Variants in RAVER2 observed in about 807,000 individuals in gnomAD.
RAVER2 encodes ribonucleoprotein, PTB binding 2, also known as ribonucleoprotein PTB-binding 2.
In RAVER2, 46 loss-of-function variants were observed where a neutral mutation model predicts 78.1. The ratio of observed to expected loss-of-function variants is 0.59; its 90% confidence interval spans 0.46 to 0.75. The LOEUF (loss-of-function observed/expected upper bound fraction) is 0.75. Ranked by LOEUF, RAVER2 falls within the 30% of genes least tolerant of loss-of-function variation. The pLI is 0.00. For synonymous variants in RAVER2, 311 were observed against 313.3 expected (o/e 0.99, Z 0.08); for missense variants, 793 against 837.5 (o/e 0.95, Z 0.66).
At position 64,808,456 on chromosome 1, in the gene RAVER2, C is replaced by CTTTT. The variant is rs71584460; in HGVS notation, c.1680+1002_1680+1005dup. 4.1e-3 allele frequency among the ~76,000 whole-genome samples: 426 copies of CTTTT among 103,152 alleles called. 12 individuals carry two copies. The highest frequency in any genetic ancestry group is 8.9e-3 in the African/African-American group (230 of 25,866). The allele number at this position is 103,152 out of a possible 152,430, so 67.7% of individuals were successfully genotyped here. On this transcript the variant is annotated intron_variant, in intron 9 of 11. Transcript: ENST00000294428. ...GTATATTGAGAAAGCTAATGCAGTC[C>CTTTT]TTTTTTTTTTTTTTTTTTTTTTTGA... is the stretch of plus-strand genomic sequence containing the variant.
intron 11 of RAVER2, among the ~76,000 whole-genome samples, chr1:64,824,334 T>C (rs1336056976): frequency 6.6e-6 from 1 of 152,170 alleles, no homozygotes; most frequent in African/African-American, 2.4e-5. Flanking sequence ...GGAAAATGAA[T>C]GCTTGGTCCT....
intron 5 of RAVER2, among the ~76,000 whole-genome samples, chr1:64,792,749 A>G (rs1179106428): frequency 6.6e-6 from 1 of 152,198 alleles, no homozygotes; most frequent in East Asian, 1.9e-4. Flanking sequence ...ATGTGTGGAA[A>G]GTTTCTTGAT....
At chr1:64,817,511 C>T (rs950841353) in intron 11 of RAVER2, among the ~76,000 whole-genome samples, 3 of 152,132 alleles carry the variant, frequency 2.0e-5, no homozygotes, top group Admixed American at 2.0e-4. Flanking sequence ...CCCAAACGTC[C>T]ATCAGTGATG....
intron 1 of RAVER2, among the ~76,000 whole-genome samples, chr1:64,751,514 A>G (rs1190481062): frequency 4.6e-5 from 7 of 152,170 alleles, no homozygotes; most frequent in Non-Finnish European, 1.0e-4. Flanking sequence ...ATTACTAACT[A>G]CCTGAGTTTT....
intron 11 of RAVER2, among the ~76,000 whole-genome samples, chr1:64,820,224 A>T (rs1653852742): frequency 6.6e-6 from 1 of 152,062 alleles, no homozygotes. Flanking sequence ...AAATATGAAT[A>T]GTTTAATTAC....
intron 1 of RAVER2, among the ~76,000 whole-genome samples, chr1:64,747,237 T>A (rs1365470121): frequency 6.6e-6 from 1 of 152,208 alleles, no homozygotes; most frequent in East Asian, 1.9e-4. Flanking sequence ...TTTTTTGTAT[T>A]TTTTGTTTTA....
chr1:64,750,565 T>C (rs977070508), intron 1 of RAVER2, among the ~76,000 whole-genome samples: 6 of 152,170 alleles, frequency 3.9e-5, no homozygotes, highest in African/African-American at 1.4e-4. Context: ...TTCCTGTTTA[T>C]ACATCAGTAT....
chr1:64,805,138 A>AAT, intron 8 of RAVER2, 33 bp downstream of exon 8: 2 of 1,562,472 alleles, frequency 1.3e-6, no homozygotes, highest in Non-Finnish European at 1.8e-6. Flanking sequence ...GAAGTCAGTA[A>AAT]ACAGTCAGGT....
In RAVER2 at chr1:64,769,047, C is replaced by T. The variant is rs77241546; in HGVS notation, c.316+325C>T. On this transcript the variant is annotated intron_variant, in intron 2 of 11. Transcript: ENST00000294428. ...TAGTGAATAGACTGTATGACTTGAC[C>T]TTTAGCTGGGGAAATTGAGAAACTC... Among the ~76,000 whole-genome samples the T allele has an allele frequency of 1.9e-3, 296 of 151,988 alleles. 1 individual carries two copies. The highest frequency in any genetic ancestry group is 6.8e-3 in the African/African-American group (282 of 41,512).
chr1:64,748,626 C>CAA (rs1376243709), intron 1 of RAVER2, among the ~76,000 whole-genome samples: 2 of 152,152 alleles, frequency 1.3e-5, no homozygotes, highest in African/African-American at 4.8e-5. Context: ...GGATTTAACA[C>CAA]AAAAATAGCA....
In RAVER2 at chr1:64,813,869, ACACACG is replaced by A. The variant is rs1383020755; in HGVS notation, c.1793-834_1793-829del. ...CACACACACACACACACACACACAC[ACACACG>A]TTTTGTTTTGGGTTATTTATTTATT... On this transcript the variant is annotated intron_variant, in intron 10 of 11. Coordinates refer to ENST00000294428, the Ensembl canonical transcript of RAVER2. 2.1e-4 allele frequency among the ~76,000 whole-genome samples: 24 copies of A among 112,318 alleles called. 1 individual carries two copies. Among genetic ancestry groups the A allele is most frequent in the Admixed American group, 1.6e-3 (17 of 10,834 alleles). 73.7% of individuals were successfully genotyped at this position (112,318 alleles called of 152,430 possible).
chr1:64,771,653 A>G (rs1010793467), intron 2 of RAVER2, among the ~76,000 whole-genome samples: 4 of 152,092 alleles, frequency 2.6e-5, no homozygotes, highest in Non-Finnish European at 5.9e-5. Context: ...CTGGGAGAGG[A>G]GAAATGGGAT....
Position 64,812,719 on chromosome 1 carries a change from C to A in RAVER2, c.1681-19C>A, listed in dbSNP as rs1375636985. ...TGTACCTCTCATTAAGTACTCCCTC[C>A]TTTGTTTTTGTTAAATAGGCTGCCT... On this transcript the variant is annotated intron_variant, in intron 9 of 11. Coordinates refer to ENST00000294428, the Ensembl canonical transcript of RAVER2. 1 of 1,560,200 alleles carries A rather than the reference C, an allele frequency of 6.4e-7. No individual in the cohort carries two copies. The highest frequency in any genetic ancestry group is 8.8e-7 in the Non-Finnish European group (1 of 1,137,812).
chr1:64,746,332 C>T (rs1157854626), intron 1 of RAVER2, among the ~76,000 whole-genome samples: 2 of 152,148 alleles, frequency 1.3e-5, no homozygotes, highest in East Asian at 3.9e-4. Context: ...TTATCAAAAG[C>T]TTGAAATCAT....
rs557534435 is a variant in RAVER2 at position 64,774,269 on chromosome 1, T to C, written c.317-3354T>C. Among the ~76,000 whole-genome samples the C allele has an allele frequency of 4.6e-5, 7 of 152,344 alleles. No individual in the cohort carries two copies. In the South Asian group the frequency reaches 8.3e-4, roughly 18 times the overall value. On this transcript the variant is annotated intron_variant, in intron 2 of 11. Coordinates refer to ENST00000294428, the Ensembl canonical transcript of RAVER2. ...TCTTTGCCCATGCCTATGTCCTGAA[T>C]GGTATTGCCTAGGTTTTCTTCTAGG...
At chr1:64,810,834 C>T (rs12730549) in intron 9 of RAVER2, among the ~76,000 whole-genome samples, 10,968 of 152,134 alleles carry the variant, frequency 0.072, 525 homozygotes, top group Non-Finnish European at 0.098. Flanking sequence ...TAGAACAACA[C>T]GGGTTTTAAC....
chr1:64,819,581 G>T (rs1473294063), intron 11 of RAVER2, among the ~76,000 whole-genome samples: 1 of 152,118 alleles, frequency 6.6e-6, no homozygotes, highest in African/African-American at 2.4e-5. Context: ...AAAAAATAAT[G>T]GTCAAACATT....
chr1:64,819,416 G>A (rs1231145166), intron 11 of RAVER2, among the ~76,000 whole-genome samples: 1 of 151,906 alleles, frequency 6.6e-6, no homozygotes, highest in Non-Finnish European at 1.5e-5. Context: ...TTAACATGAA[G>A]ACAACTCAAT....
chr1:64,809,882 A>G (rs993661167), intron 9 of RAVER2, among the ~76,000 whole-genome samples: 2 of 152,198 alleles, frequency 1.3e-5, no homozygotes, highest in Non-Finnish European at 2.9e-5. Context: ...TTCACTTAGC[A>G]TAATGTTTTC....
Sources: gnomAD v4.1 joint callset for allele counts (sites outside exome capture counted in the v4.1 genomes callset) on GRCh38, gnomAD v4.1.1 for gene constraint, MANE v1.5 for transcripts, NCBI Gene and HGNC (gene_info 2026-07-23, HGNC 2026-07-21) for gene names.